Variants in MBP observed in about 807,000 individuals in gnomAD.
The protein encoded by MBP is myelin basic protein.
In MBP, 16 loss-of-function variants were observed where a neutral mutation model predicts 35.8. That is an observed-to-expected ratio of 0.45 (90% CI 0.30 to 0.68). The LOEUF (loss-of-function observed/expected upper bound fraction) is 0.68, where lower values mean the gene tolerates loss of function less well. Among genes scored for constraint, MBP ranks in the 30% least tolerant of loss-of-function variants. MBP has a pLI of 0.08. For missense variants in MBP, 380 were observed against 404.7 expected (o/e 0.94, Z 0.52); for synonymous variants, 143 against 159.6 (o/e 0.90, Z 0.78).
In MBP at chr18:76,980,342, T is replaced by G. The variant is rs562375053; in HGVS notation, c.*85A>C. The G allele has an allele frequency of 2.8e-5, 36 of 1,271,320 alleles. No individual in the cohort carries two copies. Among genetic ancestry groups the G allele is most frequent in the Middle Eastern group, 3.7e-4 (2 of 5,384 alleles). 78.8% of individuals were successfully genotyped at this position (1,271,320 alleles called of 1,614,324 possible). ...TTAGGGGAGGGGTCATCTGCTCTAATTAGGTAACAGGGGCAAGTGGGATTA... is the reference window on the plus strand; with the variant it reads ...TTAGGGGAGGGGTCATCTGCTCTAAGTAGGTAACAGGGGCAAGTGGGATTA... On this transcript the variant is annotated 3_prime_UTR_variant, in exon 9 of 9. Transcript: ENST00000355994.
At position 77,039,522 on chromosome 18, in the gene MBP, A is replaced by C. The variant is rs1599123090; in HGVS notation, c.140-22254T>G. 3.9e-5 allele frequency among the ~76,000 whole-genome samples: 6 copies of C among 152,314 alleles called. No individual in the cohort carries two copies. The South Asian group carries it at 1.2e-3, about 32-fold the overall frequency. On this transcript the variant is annotated intron_variant, in intron 3 of 8. Coordinates refer to ENST00000355994, the MANE Select transcript of MBP (RefSeq NM_001025101.2). ...TATTTTAAAACCAGAAGATGAATGT[A>C]AGGTGATGGAGGAAGTCAGCCCTCT...
intron 7 of MBP, chr18:76,986,260 T>A: frequency 1.0e-6 from 1 of 985,530 alleles, no homozygotes; most frequent in Non-Finnish European, 1.2e-6. Context: ...TTGAGCCCTC[T>A]CCTGAAGACT....
intron 3 of MBP, among the ~76,000 whole-genome samples, chr18:77,043,471 G>A (rs1218115781): frequency 6.6e-6 from 1 of 152,140 alleles, no homozygotes; most frequent in African/African-American, 2.4e-5. Flanking sequence ...GCTGGTTATC[G>A]TGGCATCTGA....
chr18:77,047,099 G>A (rs929681681), intron 3 of MBP, among the ~76,000 whole-genome samples: 4 of 152,198 alleles, frequency 2.6e-5, no homozygotes, highest in African/African-American at 7.2e-5. Context: ...CCTTGGAGCC[G>A]AACGTAACAG....
In MBP at chr18:77,044,954, T is replaced by A. The variant is rs1701328802; in HGVS notation, c.139+21344A>T. Among the ~76,000 whole-genome samples, 1 of 126,134 alleles carries A rather than the reference T, an allele frequency of 7.9e-6. No homozygotes were observed. Among genetic ancestry groups the A allele is most frequent in the South Asian group, 2.6e-4 (1 of 3,864 alleles). The allele number at this position is 126,134 out of a possible 152,430, so 82.7% of individuals were successfully genotyped here. A position where few individuals can be genotyped will look rare whatever the true frequency, so the allele number is the denominator to read the frequency against. ...GTGAGAGAACATGAGTGTGTGTGTG[T>A]AAGTGTGGTGTGTGAGTGTGGAGTG... On this transcript the variant is annotated intron_variant, in intron 3 of 8. Transcript: ENST00000355994. This position sits in a 1 kb window ranked among gnomAD's most constrained non-coding sequence, Gnocchi z 4.4.
At chr18:77,079,791 A>G (rs1974818005) in intron 2 of MBP, among the ~76,000 whole-genome samples, 1 of 152,208 alleles carries the variant, frequency 6.6e-6, no homozygotes, top group Non-Finnish European at 1.5e-5. Flanking sequence ...CCACACTCAG[A>G]ATAAATTCAG....
chr18:77,031,616 G>A (rs534541276), intron 3 of MBP, among the ~76,000 whole-genome samples: 8 of 152,364 alleles, frequency 5.3e-5, no homozygotes, highest in Admixed American at 5.2e-4. Flanking sequence ...CTTTAACACT[G>A]GGTGTGCTGA....
chr18:77,126,531 A>C (rs1977056436), intron 1 of MBP, among the ~76,000 whole-genome samples: 1 of 152,202 alleles, frequency 6.6e-6, no homozygotes, highest in South Asian at 2.1e-4. Flanking sequence ...GGACATTCTA[A>C]CCAGTACGGT....
intron 8 of MBP, chr18:76,980,854 G>A: frequency 4.9e-6 from 1 of 205,628 alleles, no homozygotes; most frequent in Non-Finnish European, 1.0e-5. Context: ...GGAACTGCCA[G>A]CGACAACAGG....
chr18:77,122,605 C>T (rs1476882626), intron 1 of MBP, among the ~76,000 whole-genome samples: 1 of 152,208 alleles, frequency 6.6e-6, no homozygotes, highest in African/African-American at 2.4e-5. Flanking sequence ...TGCATTGGCG[C>T]AATCTGGGCT....
chr18:77,120,979 CG>C (rs1976869932), intron 1 of MBP, among the ~76,000 whole-genome samples: 1 of 152,144 alleles, frequency 6.6e-6, no homozygotes, highest in Admixed American at 6.5e-5. Flanking sequence ...TTGTGTGAAA[CG>C]TAATCCACAT....
chr18:77,080,799 T>C (rs569925397), intron 2 of MBP, among the ~76,000 whole-genome samples: 1 of 152,294 alleles, frequency 6.6e-6, no homozygotes, highest in South Asian at 2.1e-4. Context: ...TTCTCCTGCC[T>C]CAGCCTCCCG....
chr18:77,069,072 A>G (rs1599179126), intron 2 of MBP: 1 of 460,916 alleles, frequency 2.2e-6, no homozygotes, highest in East Asian at 6.7e-5. Context: ...AACTCCCAGA[A>G]CAGTCCATTG....
At chr18:77,056,587 G>A (rs1410824079) in intron 3 of MBP, among the ~76,000 whole-genome samples, 33 of 152,152 alleles carry the variant, frequency 2.2e-4, no homozygotes, top group Non-Finnish European at 1.5e-5. Flanking sequence ...TGCACCAACC[G>A]GCCTCCATCC....
chr18:76,997,776 G>A (rs1345625649), intron 4 of MBP, among the ~76,000 whole-genome samples: 10 of 150,754 alleles, frequency 6.6e-5, no homozygotes, highest in Admixed American at 6.6e-4. Context: ...TCCGCCTCCC[G>A]GGTTCACGCC....
chr18:77,023,301 G>C (rs374213863), intron 3 of MBP, among the ~76,000 whole-genome samples: 1 of 152,330 alleles, frequency 6.6e-6, no homozygotes, highest in African/African-American at 2.4e-5. Context: ...CACTGAGGTG[G>C]TGTTAATGAA....
intron 4 of MBP, chr18:77,016,472 A>G (rs1185270534): frequency 9.1e-7 from 1 of 1,101,258 alleles, no homozygotes; most frequent in Non-Finnish European, 1.1e-6. Context: ...TGCAGAGGCA[A>G]CATCAGTCAT....
intron 4 of MBP, chr18:77,014,912 A>C (rs1297637600): frequency 2.0e-6 from 2 of 981,950 alleles, no homozygotes; most frequent in Non-Finnish European, 2.4e-6. Flanking sequence ...TTCCTAAAGC[A>C]ATCATGTGAA....
intron 2 of MBP, among the ~76,000 whole-genome samples, chr18:77,071,238 T>C (rs1974434657): frequency 1.3e-5 from 2 of 152,160 alleles, no homozygotes; most frequent in Non-Finnish European, 2.9e-5. Flanking sequence ...TGTTGAAACA[T>C]GTTACAAAGT....
Sources: allele counts gnomAD v4.1 joint callset (sites outside exome capture counted in the v4.1 genomes callset), GRCh38; gene constraint gnomAD v4.1.1; non-coding constraint Gnocchi (gnomAD v3.1); transcripts MANE v1.5; gene names NCBI Gene and HGNC (gene_info 2026-07-23, HGNC 2026-07-21).